The following RESP18 variants were observed in gnomAD, a reference collection of about 807,000 sequenced individuals.
RESP18 encodes the protein regulated endocrine-specific protein 18.
RESP18 carries 30 observed loss-of-function variants against 30.0 expected under a neutral mutation model. That is an observed-to-expected ratio of 1.00 (90% confidence interval 0.75 to 1.36). The LOEUF (loss-of-function observed/expected upper bound fraction) is 1.36, where lower values mean the gene tolerates loss of function less well. Ranked by LOEUF, RESP18 falls within the 40% of genes most tolerant of loss-of-function variation. The pLI, the probability that RESP18 is intolerant of heterozygous loss-of-function variation, is 0.00. For missense variants in RESP18, 320 were observed against 284.2 expected, an observed-to-expected ratio of 1.13 and a Z score of -0.91; for synonymous variants, 117 against 111.2, an observed-to-expected ratio of 1.05 and a Z score of -0.33.
chr2:219,331,711 G>T (rs947545841), intron 2 of RESP18, among the ~76,000 whole-genome samples: 4 of 152,150 alleles, frequency 2.6e-5, no homozygotes, highest in Admixed American at 6.5e-5. Flanking sequence ...GTGGTGACCC[G>T]CTCGGGCTCG....
chr2:219,328,876 T>C (rs1332486693), intron 6 of RESP18, 48 bp downstream of exon 5: 1 of 1,271,940 alleles, frequency 7.9e-7, no homozygotes, highest in East Asian at 2.5e-5. Context: ...GGACGTTTAA[T>C]TTTGAAAACT....
chr2:219,327,686 A>G lies in RESP18; in HGVS notation c.641-123T>C, dbSNP rs979695779. 5 of 808,812 alleles carry G rather than the reference A, an allele frequency of 6.2e-6. No individual in the cohort carries two copies. In the African/African-American group the frequency reaches 8.5e-5, roughly 14 times the overall value. 50.1% of individuals were successfully genotyped at this position (808,812 alleles called of 1,614,324 possible). On this transcript the variant is annotated intron_variant, in intron 6 of 6. Transcript: ENST00000333527. Reference sequence around the variant, plus strand: ...ATTTGAGTAACCCTTCAGCATGGTGACAGCTCACCAACTGAGAGCCTGTCC... The same window carrying G: ...ATTTGAGTAACCCTTCAGCATGGTGGCAGCTCACCAACTGAGAGCCTGTCC...
intron 4 of RESP18, 182 bp from the exon 4 acceptor site, chr2:219,329,434 C>T: frequency 6.4e-7 from 1 of 1,551,014 alleles, no homozygotes; most frequent in Non-Finnish European, 8.7e-7. Context: ...ACAAATTGGA[C>T]CTAGGCTTGC....
In RESP18 at chr2:219,332,507, C is replaced by T. The variant is rs762634381; in HGVS notation, c.232+17G>A. 6.5e-7 allele frequency: 1 copy of T among 1,546,624 alleles called. No individual in the cohort carries two copies. The highest frequency in any genetic ancestry group is 8.7e-7 in the Non-Finnish European group (1 of 1,143,998). On this transcript the variant is annotated intron_variant, in intron 2 of 6. Transcript: ENST00000333527. ...GCTTTCTTGGCCCTGCCCGCACCCC[C>T]CAGGGTTCCTCCTGACCGTGGGCAC...
chr2:219,332,736 A>G lies in RESP18; in HGVS notation c.20T>C (p.Phe7Ser). The G allele has an allele frequency of 1.3e-6, 2 of 1,543,632 alleles. No homozygotes were observed. Among genetic ancestry groups the G allele is most frequent in the Non-Finnish European group, 1.8e-6 (2 of 1,142,422 alleles). ...AGCTTCCCACCAGCCCGCGACTCCG[A>G]ATCTGTTTAACCCTCCTCGGCAGTT... The change falls in exon 2 of 7, where the codon TTC becomes TCC. Residue 7 changes from phenylalanine to serine, a missense_variant and splice_region_variant. By Grantham distance (155) the Phe-to-Ser change is radical. Transcript: ENST00000333527.
At chr2:219,332,137 G>T (rs1265536111) in intron 2 of RESP18, among the ~76,000 whole-genome samples, 1 of 152,192 alleles carries the variant, frequency 6.6e-6, no homozygotes, top group African/African-American at 2.4e-5. Context: ...GCACGAGGAA[G>T]CCCTGGCTCG....
In RESP18 at chr2:219,329,259, G is replaced by A; in HGVS notation, c.466-7C>T. 1 of 1,551,694 alleles carries A rather than the reference G, an allele frequency of 6.4e-7. No homozygotes were observed. Among genetic ancestry groups the A allele is most frequent in the Non-Finnish European group, 8.7e-7 (1 of 1,146,970 alleles). On this transcript the variant is annotated splice_polypyrimidine_tract_variant and splice_region_variant and intron_variant, in intron 4 of 6. Coordinates refer to ENST00000333527, the MANE Select transcript of RESP18 (RefSeq NM_001007089.4). ...TCACCTTGGCCAGGGGGCTCTGTGA[G>A]GAGGGAAACCAGGAGTCAAGGAGGA...
intron 3 of RESP18, among the ~76,000 whole-genome samples, chr2:219,330,067 C>T (rs998150469): frequency 1.1e-4 from 16 of 152,216 alleles, no homozygotes; most frequent in Non-Finnish European, 2.2e-4. Flanking sequence ...GCATCAGAAT[C>T]TCCTGCAAGG....
In RESP18 at chr2:219,332,610, GGCCACAGTGGGTGCTGTATC is replaced by G; in HGVS notation, c.126_145del (p.Arg42SerfsTer27). The G allele has an allele frequency of 3.2e-6, 5 of 1,551,416 alleles. No individual in the cohort carries two copies. In the South Asian group the frequency reaches 5.9e-5, roughly 18 times the overall value. ...CAGCTGGAGCCCCTCGGAGCTCCCA[GGCCACAGTGGGTGCTGTATC>G]CTCCCAGGCTCGGCGCGCTCACTCC... On this transcript the variant is annotated frameshift_variant, in exon 2 of 7. Transcript: ENST00000333527. LOFTEE classifies it high-confidence loss of function.
rs1318705833 is a variant in RESP18 at position 219,332,701 on chromosome 2, G to T, written c.55C>A (p.Leu19Ile). 9.0e-6 allele frequency: 14 copies of T among 1,550,020 alleles called. No individual in the cohort carries two copies. Among genetic ancestry groups the T allele is most frequent in the East Asian group, 2.4e-5 (1 of 40,904 alleles). The change falls in exon 2 of 7, where the codon CTC (leucine) becomes ATC (isoleucine). Residue 19 changes from leucine (L) to isoleucine (I), a missense_variant. Leu to Ile is a conservative substitution (Grantham distance 5). Transcript: ENST00000333527. ...GTAGCGGCCACGGCCGAGGGGCTGA[G>T]CGGGGCTGCAGCTTCCCACCAGCCC...
chr2:219,332,062 G>A (rs914550656), intron 2 of RESP18, among the ~76,000 whole-genome samples: 11 of 152,308 alleles, frequency 7.2e-5, no homozygotes, highest in African/African-American at 2.6e-4. Context: ...AGGGGAGAAG[G>A]ATGGTCCCAT....
At position 219,327,758 on chromosome 2, in the gene RESP18, G is replaced by A. The variant is rs113139188; in HGVS notation, c.641-195C>T. Among the ~76,000 whole-genome samples the A allele has an allele frequency of 4.3e-4, 66 of 152,330 alleles. 1 individual carries two copies. The highest frequency in any genetic ancestry group is 1.5e-3 in the African/African-American group (64 of 41,566). On this transcript the variant is annotated intron_variant, in intron 6 of 6. Transcript: ENST00000333527. ...CTGTCTCTCCATGGTTTGCCCTTAAGCTTAGGTCTGGAGAAGAATGGCAGC... is the reference window on the plus strand; with the variant it reads ...CTGTCTCTCCATGGTTTGCCCTTAAACTTAGGTCTGGAGAAGAATGGCAGC...
rs1354600124 is a variant in RESP18, at chr2:219,328,987, C to CT, written c.576_577insA (p.Gly193ArgfsTer13). 1 of 1,550,926 alleles carries CT rather than the reference C, an allele frequency of 6.4e-7. No individual in the cohort carries two copies. The highest frequency in any genetic ancestry group is 8.7e-7 in the Non-Finnish European group (1 of 1,146,220). On this transcript the variant is annotated frameshift_variant, in exon 6 of 7. Transcript: ENST00000333527. LOFTEE classifies it high-confidence loss of function. ...GGCGCCTGCATCATGTCCAGCCCCC[C>CT]ATATGAACACCTATAGGTAATCTGA...
chr2:219,329,724 G>A lies in RESP18; in HGVS notation c.378C>T (p.Ile126=). ...GTCTGCTGGCATGCTCCATCTTTTG[G>A]ATCATTGCATCCTGGGTGATGTCAT... The change falls in exon 4 of 7, where the codon ATC becomes ATT. Residue 126 remains isoleucine, a synonymous_variant. Transcript: ENST00000333527. 6.4e-7 allele frequency: 1 copy of A among 1,551,632 alleles called. No individual in the cohort carries two copies. Among genetic ancestry groups the A allele is most frequent in the Non-Finnish European group, 8.7e-7 (1 of 1,146,990 alleles).
chr2:219,333,037 T>C, intron 1 of RESP18: 1 of 907,206 alleles, frequency 1.1e-6, no homozygotes, highest in Non-Finnish European at 1.6e-6. Flanking sequence ...TATTTTATTA[T>C]CCTTGACACT....
intron 3 of RESP18, among the ~76,000 whole-genome samples, chr2:219,330,103 C>T (rs1483613784): frequency 1.3e-5 from 2 of 152,160 alleles, no homozygotes; most frequent in Non-Finnish European, 2.9e-5. Context: ...ACTGCTGTTT[C>T]CCACCCCTAG....
chr2:219,329,636 C>A lies in RESP18; in HGVS notation c.465+1G>T, dbSNP rs16859790. 8,225 of 1,551,418 alleles carry A rather than the reference C, an allele frequency of 5.3e-3. 372 individuals carry two copies. In the African/African-American group the frequency reaches 0.099, roughly 19 times the overall value. The stretch of plus-strand genomic sequence containing the variant: ...ATGACCACAGGCCTCATGCACCTCA[C>A]CTCAGTGGTTTTAGTGGGGAAAAGT... On this transcript the variant is annotated splice_donor_variant, in intron 4 of 6. Coordinates refer to ENST00000333527, the MANE Select transcript of RESP18 (RefSeq NM_001007089.4). LOFTEE classifies it high-confidence loss of function.
chr2:219,332,463 AC>A, intron 2 of RESP18, 60 bp downstream of exon 1: 1 of 1,298,672 alleles, frequency 7.7e-7, no homozygotes, highest in South Asian at 1.3e-5. Context: ...CCCCCTGCAG[AC>A]CCCCACTTCT....
chr2:219,328,852 A>G lies in RESP18; in HGVS notation c.640+72T>C, dbSNP rs1326538580. ...GCTATCATGTGCTATATACAAGGGC[A>G]TATATGGCAAAAAGGACGTTTAATT... On this transcript the variant is annotated intron_variant, in intron 6 of 6. Coordinates refer to ENST00000333527, the MANE Select transcript of RESP18 (RefSeq NM_001007089.4). 15 of 913,500 alleles carry G rather than the reference A, an allele frequency of 1.6e-5. No individual in the cohort carries two copies. In the African/African-American group the frequency reaches 2.0e-4, roughly 12 times the overall value. 56.6% of individuals were successfully genotyped at this position (913,500 alleles called of 1,614,324 possible).
Sources: gnomAD v4.1 joint callset for allele counts (sites outside exome capture counted in the v4.1 genomes callset) on GRCh38, gnomAD v4.1.1 for gene constraint, MANE v1.5 for transcripts, NCBI Gene and HGNC (gene_info 2026-07-23, HGNC 2026-07-21) for gene names.